RBFOX1: variants seen among roughly 807,000 people sequenced by gnomAD.
RBFOX1 encodes RNA binding fox-1 homolog 1.
Under a neutral mutation model 57.7 loss-of-function variants are expected in RBFOX1, and 8 were observed. That is an observed-to-expected ratio of 0.14 (90% CI 0.08 to 0.25). The LOEUF (loss-of-function observed/expected upper bound fraction) is 0.25, where lower values mean the gene tolerates loss of function less well. RBFOX1 is among the 10% of genes least tolerant of loss of function. RBFOX1 has a pLI of 1.00. For missense variants in RBFOX1, 611 were observed against 548.5 expected (o/e 1.11, Z -1.14); for synonymous variants, 326 against 222.4 (o/e 1.47, Z -4.15).
chr16:6,941,167 C>G (rs951564827), intron 3 of RBFOX1, among the ~76,000 whole-genome samples: 3 of 151,944 alleles, frequency 2.0e-5, no homozygotes, highest in African/African-American at 7.3e-5. Context: ...GGAAATCCAT[C>G]AGCAGACTCT....
In RBFOX1 at chr16:7,711,036, G is replaced by C; in HGVS notation, c.*291G>C. On this transcript the variant is annotated 3_prime_UTR_variant, in exon 16 of 16. Coordinates refer to ENST00000550418, the MANE Select transcript of RBFOX1 (RefSeq NM_018723.4). ...AGATAATGAATAAAAACTGGTTTAG[G>C]GCCATATCCAGAGTGCTATATTATG... The C allele has an allele frequency of 3.5e-6, 1 of 281,814 alleles. No homozygotes were observed. Among genetic ancestry groups the C allele is most frequent in the Non-Finnish European group, 6.5e-6 (1 of 154,612 alleles). The allele number at this position is 281,814 out of a possible 1,614,324, so 17.5% of individuals were successfully genotyped here.
intron 4 of RBFOX1, among the ~76,000 whole-genome samples, chr16:5,931,959 C>T (rs946776518): frequency 6.7e-6 from 1 of 148,614 alleles, no homozygotes; most frequent in Non-Finnish European, 1.5e-5. Flanking sequence ...AAGCATGCAC[C>T]ATCACTCCTA....
chr16:6,522,919 G>A (rs536584406), intron 2 of RBFOX1, among the ~76,000 whole-genome samples: 108 of 152,130 alleles, frequency 7.1e-4, no homozygotes, highest in Middle Eastern at 3.4e-3. Context: ...TTTGGACTCG[G>A]GGACTTCGCT....
intron 1 of RBFOX1, among the ~76,000 whole-genome samples, chr16:5,446,059 G>A (rs1050326783): frequency 6.6e-5 from 10 of 152,170 alleles, no homozygotes; most frequent in African/African-American, 2.4e-4. Context: ...TTTTTACCCT[G>A]GGCAAGACCC....
chr16:5,390,272 G>A (rs1048464603), intron 1 of RBFOX1, among the ~76,000 whole-genome samples: 20 of 141,234 alleles, frequency 1.4e-4, no homozygotes, highest in Admixed American at 1.2e-3. Context: ...TGTAAATATC[G>A]AAAAGTAGTT....
At chr16:5,477,870 G>T (rs1006540699) in intron 2 of RBFOX1, among the ~76,000 whole-genome samples, 1 of 152,176 alleles carries the variant, frequency 6.6e-6, no homozygotes, top group African/African-American at 2.4e-5. Context: ...GCCAGTTAGC[G>T]TGATGTTTTT....
chr16:6,634,008 C>A (rs1367086826), intron 2 of RBFOX1, among the ~76,000 whole-genome samples: 2 of 151,966 alleles, frequency 1.3e-5, no homozygotes, highest in Non-Finnish European at 2.9e-5. Context: ...TGAGTAAGAC[C>A]CCATCTCAAA....
intron 3 of RBFOX1, among the ~76,000 whole-genome samples, chr16:6,729,396 A>G (rs2154172188): frequency 6.6e-6 from 1 of 152,314 alleles, no homozygotes; most frequent in South Asian, 2.1e-4. Flanking sequence ...TTTATCAAGT[A>G]CCTTTTATCT....
chr16:6,688,835 T>C (rs769755636), intron 3 of RBFOX1, among the ~76,000 whole-genome samples: 7 of 152,150 alleles, frequency 4.6e-5, no homozygotes, highest in Non-Finnish European at 8.8e-5. Context: ...CTCCTCCCTG[T>C]GTCCATGTGT....
chr16:5,706,137 C>A (rs2051239667), intron 3 of RBFOX1, among the ~76,000 whole-genome samples: 1 of 152,198 alleles, frequency 6.6e-6, no homozygotes, highest in Non-Finnish European at 1.5e-5. Flanking sequence ...TCTTGAACTC[C>A]TGACCTCAAC....
At chr16:6,980,115 G>A (rs1463681247) in intron 3 of RBFOX1, among the ~76,000 whole-genome samples, 2 of 152,148 alleles carry the variant, frequency 1.3e-5, no homozygotes, top group Admixed American at 1.3e-4. Flanking sequence ...CACAGCACAG[G>A]CTGGACGTAT....
chr16:7,235,536 C>G (rs959427363), intron 4 of RBFOX1, among the ~76,000 whole-genome samples: 6 of 152,166 alleles, frequency 3.9e-5, no homozygotes, highest in Non-Finnish European at 8.8e-5. Context: ...AGCTTCATCG[C>G]TTATGTACAT....
intron 1 of RBFOX1, among the ~76,000 whole-genome samples, chr16:6,280,681 A>G (rs888452261): frequency 6.6e-6 from 1 of 152,074 alleles, no homozygotes; most frequent in Admixed American, 6.5e-5. Context: ...GAAATTATAT[A>G]ACCAAAATTC....
At chr16:7,388,503 C>G (rs920958223) in intron 4 of RBFOX1, among the ~76,000 whole-genome samples, 25 of 152,044 alleles carry the variant, frequency 1.6e-4, no homozygotes, top group African/African-American at 6.0e-4. Flanking sequence ...CCCGGGATAA[C>G]TTGTTTCATC....
chr16:6,089,604 G>T (rs2152527801), intron 1 of RBFOX1, among the ~76,000 whole-genome samples: 1 of 152,320 alleles, frequency 6.6e-6, no homozygotes, highest in East Asian at 1.9e-4. Flanking sequence ...TGCAAATATT[G>T]CTGGGGCGGG....
intron 1 of RBFOX1, among the ~76,000 whole-genome samples, chr16:5,454,080 T>G (rs2068508511): frequency 6.6e-6 from 1 of 152,208 alleles, no homozygotes; most frequent in Admixed American, 6.5e-5. Flanking sequence ...TGAGGCCAAA[T>G]CGTGCCAGCC....
At chr16:7,262,607 G>C (rs2094960943) in intron 4 of RBFOX1, among the ~76,000 whole-genome samples, 2 of 152,252 alleles carry the variant, frequency 1.3e-5, no homozygotes. Context: ...TGTGGCTGCT[G>C]CAGTCTCTGG....
intron 3 of RBFOX1, among the ~76,000 whole-genome samples, chr16:6,726,931 C>G (rs2067321120): frequency 6.6e-6 from 1 of 151,890 alleles, no homozygotes; most frequent in Admixed American, 6.6e-5. Flanking sequence ...TTTCAGGACA[C>G]AATTAACACT....
chr16:7,671,946 G>A (rs1236065143), intron 13 of RBFOX1, among the ~76,000 whole-genome samples: 3 of 152,144 alleles, frequency 2.0e-5, no homozygotes, highest in African/African-American at 7.2e-5. Flanking sequence ...AAGCTATCTG[G>A]ACTCAATCAG....
Sources: allele counts gnomAD v4.1 joint callset (sites outside exome capture counted in the v4.1 genomes callset), GRCh38; gene constraint gnomAD v4.1.1; transcripts MANE v1.5; gene names NCBI Gene and HGNC (gene_info 2026-07-23, HGNC 2026-07-21).